GPC5: variants seen among roughly 807,000 people sequenced by gnomAD.
The protein encoded by GPC5 is glypican-5.
Under a neutral mutation model 53.9 loss-of-function variants are expected in GPC5, and 47 were observed. The ratio of observed to expected loss-of-function variants is 0.87; its 90% CI spans 0.69 to 1.11. The LOEUF (loss-of-function observed/expected upper bound fraction) is 1.11. Among genes scored for constraint, GPC5 ranks in the 50% most tolerant of loss-of-function variants. The pLI is 0.00. For synonymous variants in GPC5, 286 were observed against 263.3 expected (o/e 1.09, Z -0.84); for missense variants, 748 against 713.1 (o/e 1.05, Z -0.56).
At chr13:92,659,559 C>T (rs185818477) in intron 7 of GPC5, among the ~76,000 whole-genome samples, 1 of 152,142 alleles carries the variant, frequency 6.6e-6, no homozygotes, top group Admixed American at 6.5e-5. Flanking sequence ...TATATAGACA[C>T]TTTAAATTCA....
chr13:92,519,485 C>T (rs1427973830), intron 7 of GPC5, among the ~76,000 whole-genome samples: 34 of 152,270 alleles, frequency 2.2e-4, no homozygotes, highest in African/African-American at 5.1e-4. Context: ...CACTCAAAAC[C>T]GCTCAACTAC....
chr13:92,832,750 G>C (rs1187746923), intron 7 of GPC5, among the ~76,000 whole-genome samples: 3 of 152,170 alleles, frequency 2.0e-5, no homozygotes, highest in African/African-American at 7.2e-5. Flanking sequence ...GCTCACACCT[G>C]TAGTCCCCGC....
chr13:91,703,104 A>C (rs1021874609), intron 3 of GPC5, among the ~76,000 whole-genome samples: 1 of 152,112 alleles, frequency 6.6e-6, no homozygotes, highest in Non-Finnish European at 1.5e-5. Context: ...TCTGTAAATA[A>C]GATCATGTTA....
chr13:91,526,418 T>C (rs1459018212), intron 2 of GPC5, among the ~76,000 whole-genome samples: 1 of 152,136 alleles, frequency 6.6e-6, no homozygotes, highest in Non-Finnish European at 1.5e-5. Context: ...TCTGTTGAAA[T>C]GCAGAGAAGG....
intron 7 of GPC5, among the ~76,000 whole-genome samples, chr13:92,811,538 A>G (rs1877299700): frequency 6.6e-6 from 1 of 151,890 alleles, no homozygotes; most frequent in Non-Finnish European, 1.5e-5. Context: ...CAGATATTAG[A>G]TTTACAGTAT....
intron 1 of GPC5, among the ~76,000 whole-genome samples, chr13:91,414,922 C>T (rs990107871): frequency 6.6e-6 from 1 of 152,206 alleles, no homozygotes; most frequent in Non-Finnish European, 1.5e-5. Context: ...TGATACACAT[C>T]TTAAGACACC....
intron 7 of GPC5, among the ~76,000 whole-genome samples, chr13:92,769,058 A>G (rs1335419189): frequency 2.0e-5 from 3 of 152,196 alleles, no homozygotes; most frequent in African/African-American, 7.2e-5. Flanking sequence ...ATATAACTAT[A>G]AAATCAAATG....
chr13:92,411,227 G>A (rs1235890822), intron 7 of GPC5, among the ~76,000 whole-genome samples: 3 of 152,046 alleles, frequency 2.0e-5, no homozygotes, highest in Non-Finnish European at 2.9e-5. Context: ...CCGAGATCAC[G>A]CCACTGCACT....
chr13:91,919,796 T>A (rs1352756442), intron 6 of GPC5, among the ~76,000 whole-genome samples: 1 of 151,842 alleles, frequency 6.6e-6, no homozygotes, highest in Non-Finnish European at 1.5e-5. Context: ...GCAGAATGAG[T>A]CCTAGAGAAG....
intron 7 of GPC5, among the ~76,000 whole-genome samples, chr13:92,758,866 C>T (rs1875027606): frequency 6.6e-6 from 1 of 151,880 alleles, no homozygotes; most frequent in Non-Finnish European, 1.5e-5. Context: ...TTTCCAGTCT[C>T]ATATGTAGGT....
At chr13:92,505,753 G>A (rs1032166082) in intron 7 of GPC5, among the ~76,000 whole-genome samples, 3 of 151,952 alleles carry the variant, frequency 2.0e-5, no homozygotes, top group Non-Finnish European at 4.4e-5. Context: ...GATACATCCC[G>A]ACTATAGAAT....
intron 7 of GPC5, among the ~76,000 whole-genome samples, chr13:92,735,183 T>C (rs1185274991): frequency 1.3e-5 from 2 of 151,970 alleles, no homozygotes; most frequent in Non-Finnish European, 2.9e-5. Flanking sequence ...ATTTTTCTCA[T>C]TGGGTAAATA....
chr13:92,102,591 T>C (rs1566435983), intron 6 of GPC5, among the ~76,000 whole-genome samples: 1 of 152,142 alleles, frequency 6.6e-6, no homozygotes, highest in Non-Finnish European at 1.5e-5. Flanking sequence ...GTTGAAAATA[T>C]AGGAAGGGGT....
chr13:91,692,322 A>C (rs1216467922), intron 2 of GPC5, among the ~76,000 whole-genome samples: 2 of 152,194 alleles, frequency 1.3e-5, no homozygotes, highest in Non-Finnish European at 2.9e-5. Flanking sequence ...GGATACTTTG[A>C]AAATGAATGC....
intron 2 of GPC5, among the ~76,000 whole-genome samples, chr13:91,473,297 C>T (rs1045320460): frequency 1.2e-4 from 18 of 151,882 alleles, no homozygotes; most frequent in Non-Finnish European, 2.5e-4. Context: ...GGGGACACAG[C>T]CAAACCATAT....
intron 2 of GPC5, among the ~76,000 whole-genome samples, chr13:91,504,125 C>G (rs965426435): frequency 6.6e-6 from 1 of 151,850 alleles, no homozygotes; most frequent in African/African-American, 2.4e-5. Flanking sequence ...ACTTCAATTC[C>G]TGATATTGAG....
At chr13:92,070,796 A>G (rs1410139457) in intron 6 of GPC5, among the ~76,000 whole-genome samples, 3 of 152,056 alleles carry the variant, frequency 2.0e-5, no homozygotes, top group African/African-American at 7.2e-5. Flanking sequence ...CATTGATTTT[A>G]TCCTTCTATT....
chr13:92,198,499 C>A (rs2042272702), intron 7 of GPC5, among the ~76,000 whole-genome samples: 1 of 152,050 alleles, frequency 6.6e-6, no homozygotes, highest in South Asian at 2.1e-4. Context: ...TTTGAATGAC[C>A]AAATTAGCTC....
At chr13:92,475,198 T>G (rs1879062627) in intron 7 of GPC5, among the ~76,000 whole-genome samples, 1 of 151,206 alleles carries the variant, frequency 6.6e-6, no homozygotes, top group African/African-American at 2.4e-5. Context: ...CTTTTTTGGT[T>G]CCATATGAAC....
Sources: allele counts gnomAD v4.1 joint callset (sites outside exome capture counted in the v4.1 genomes callset), GRCh38; gene constraint gnomAD v4.1.1; transcripts MANE v1.5; gene names NCBI Gene and HGNC (gene_info 2026-07-23, HGNC 2026-07-21).